CHL1: variants seen among roughly 807,000 people sequenced by gnomAD.
CHL1 encodes neural cell adhesion molecule L1-like protein.
Under a neutral mutation model 141.9 loss-of-function variants are expected in CHL1, and 96 were observed. That is an observed-to-expected ratio of 0.68 (90% CI 0.57 to 0.80). The LOEUF (loss-of-function observed/expected upper bound fraction) is 0.80, where lower values mean the gene tolerates loss of function less well. CHL1 is among the 30% of genes least tolerant of loss of function. The pLI, the probability that CHL1 is intolerant of heterozygous loss-of-function variation, is 0.00. For missense variants in CHL1, 1,820 were observed against 1,457.2 expected (o/e 1.25, Z -4.05); for synonymous variants, 613 against 502.2 (o/e 1.22, Z -2.95).
chr3:261,965 G>A (rs1047949696), intron 2 of CHL1, among the ~76,000 whole-genome samples: 4 of 144,814 alleles, frequency 2.8e-5, no homozygotes, highest in East Asian at 4.2e-4. Flanking sequence ...GGATTCACAC[G>A]TTTAAGCCTA....
At chr3:204,505 T>C (rs1699236652) in intron 1 of CHL1, among the ~76,000 whole-genome samples, 1 of 152,212 alleles carries the variant, frequency 6.6e-6, no homozygotes, top group Non-Finnish European at 1.5e-5. Flanking sequence ...AGAGATGTAT[T>C]TCCCAGAGTA....
chr3:376,758 G>A (rs1178311737), intron 15 of CHL1, among the ~76,000 whole-genome samples: 1 of 152,124 alleles, frequency 6.6e-6, no homozygotes, highest in East Asian at 1.9e-4. Flanking sequence ...GGACACCTGA[G>A]TAACATGACC....
intron 2 of CHL1, among the ~76,000 whole-genome samples, chr3:255,802 C>CTCTA (rs1322961217): frequency 6.6e-6 from 1 of 152,160 alleles, no homozygotes; most frequent in Non-Finnish European, 1.5e-5. Flanking sequence ...TGGACAGATA[C>CTCTA]TCTAACTCAG....
At chr3:403,238 G>T (rs1487934007) in intron 27 of CHL1, among the ~76,000 whole-genome samples, 1 of 152,172 alleles carries the variant, frequency 6.6e-6, no homozygotes, top group Non-Finnish European at 1.5e-5. Context: ...CCTTCAGAAT[G>T]TGTGAGCCAG....
In CHL1 at chr3:380,758, G is replaced by A. The variant is rs181562919; in HGVS notation, c.1877-1421G>A. Among the ~76,000 whole-genome samples, 167 of 152,284 alleles carry A rather than the reference G, an allele frequency of 1.1e-3. 1 individual carries two copies. The highest frequency in any genetic ancestry group is 2.1e-3 in the Non-Finnish European group (142 of 68,018). ...CAACACAGTTGCAGAAAAGAAAGCAGAGCTCATGATCTCTTTTTCTATAAC... is the reference window on the plus strand; with the variant it reads ...CAACACAGTTGCAGAAAAGAAAGCAAAGCTCATGATCTCTTTTTCTATAAC... On this transcript the variant is annotated intron_variant, in intron 16 of 27. Transcript: ENST00000256509.
chr3:397,260 G>A (rs1179845724), intron 24 of CHL1, among the ~76,000 whole-genome samples: 1 of 151,994 alleles, frequency 6.6e-6, no homozygotes, highest in Non-Finnish European at 1.5e-5. Flanking sequence ...GCTTAATCTT[G>A]AAGGCTTTGC....
chr3:371,181 C>T (rs543903466), intron 15 of CHL1, among the ~76,000 whole-genome samples: 1 of 152,254 alleles, frequency 6.6e-6, no homozygotes, highest in East Asian at 1.9e-4. Flanking sequence ...TCTCATTGAT[C>T]TGTCTAATAT....
chr3:249,620 G>T (rs1693494998), intron 2 of CHL1, among the ~76,000 whole-genome samples: 1 of 152,148 alleles, frequency 6.6e-6, no homozygotes, highest in Non-Finnish European at 1.5e-5. Flanking sequence ...TTTTGCTGCA[G>T]TTGCTTCCCT....
intron 2 of CHL1, among the ~76,000 whole-genome samples, chr3:304,472 G>T (rs941544784): frequency 1.8e-4 from 27 of 152,010 alleles, no homozygotes; most frequent in Non-Finnish European, 3.7e-4. Context: ...GACTTGGGAG[G>T]GTGTATGTGT....
chr3:404,595 A>G (rs13314481), intron 27 of CHL1, among the ~76,000 whole-genome samples: 7,326 of 152,224 alleles, frequency 0.048, 601 homozygotes, highest in African/African-American at 0.17. Context: ...AATACCAGCC[A>G]TTTCTTTCTG....
At chr3:311,496 C>T (rs149135528) in intron 2 of CHL1, among the ~76,000 whole-genome samples, 14 of 152,098 alleles carry the variant, frequency 9.2e-5, no homozygotes, top group African/African-American at 2.2e-4. Flanking sequence ...TTATTATCCA[C>T]GGCTCCTGCC....
intron 19 of CHL1, among the ~76,000 whole-genome samples, chr3:387,495 T>C (rs1001019409): frequency 6.6e-6 from 1 of 152,246 alleles, no homozygotes; most frequent in Non-Finnish European, 1.5e-5. Context: ...AAAAGGCCGC[T>C]AATATAGCTA....
Position 391,659 on chromosome 3 carries a change from G to A in CHL1, c.2792-16G>A, listed in dbSNP as rs1193523903. ...TCTAATTGATGTGAGTTTATTTTTG[G>A]TCTTGTGTTTTCTAGTACCTGAACA... On this transcript the variant is annotated splice_polypyrimidine_tract_variant and intron_variant, in intron 22 of 27. Coordinates refer to ENST00000256509, the MANE Select transcript of CHL1 (RefSeq NM_006614.4). 3 of 1,575,748 alleles carry A rather than the reference G, an allele frequency of 1.9e-6. No individual in the cohort carries two copies. The highest frequency in any genetic ancestry group is 2.6e-6 in the Non-Finnish European group (3 of 1,158,776).
At chr3:398,414 T>A in intron 25 of CHL1, 29 bp downstream of exon 25, 1 of 1,451,276 alleles carries the variant, frequency 6.9e-7, no homozygotes, top group South Asian at 1.2e-5. Flanking sequence ...TTTGGGGAAG[T>A]CTTAGTCAAT....
intron 15 of CHL1, among the ~76,000 whole-genome samples, chr3:369,248 A>C (rs985566453): frequency 6.5e-5 from 9 of 139,134 alleles, no homozygotes; most frequent in Admixed American, 4.3e-4. Context: ...TTTTTTTTTC[A>C]TTTGTTTATG....
At chr3:262,944 A>G (rs1481882902) in intron 2 of CHL1, among the ~76,000 whole-genome samples, 1 of 152,168 alleles carries the variant, frequency 6.6e-6, no homozygotes, top group Non-Finnish European at 1.5e-5. Flanking sequence ...GTGAACTACA[A>G]TTAGGTATTA....
chr3:315,962 T>C (rs1387247607), intron 2 of CHL1, among the ~76,000 whole-genome samples: 4 of 152,074 alleles, frequency 2.6e-5, no homozygotes, highest in African/African-American at 9.7e-5. Context: ...GGATGCACTA[T>C]ATTTTATAGA....
At chr3:394,640 G>A (rs1414434572) in intron 23 of CHL1, 53 bp from the exon 24 acceptor site, 1 of 1,275,552 alleles carries the variant, frequency 7.8e-7, no homozygotes, top group Non-Finnish European at 1.1e-6. Context: ...AATGAAGAAT[G>A]CAACTTGAAT....
chr3:236,139 C>T (rs1461649965), intron 1 of CHL1, among the ~76,000 whole-genome samples: 1 of 152,140 alleles, frequency 6.6e-6, no homozygotes, highest in Non-Finnish European at 1.5e-5. Flanking sequence ...CCTGCTCCGC[C>T]TGCTTGATAT....
Sources: allele counts gnomAD v4.1 joint callset (sites outside exome capture counted in the v4.1 genomes callset), GRCh38; gene constraint gnomAD v4.1.1; transcripts MANE v1.5; gene names NCBI Gene and HGNC (gene_info 2026-07-23, HGNC 2026-07-21).